Variants in PCDHGA1 observed in about 807,000 individuals in gnomAD.
PCDHGA1 encodes protocadherin gamma subfamily A, 1, also known as protocadherin gamma-A1.
In PCDHGA1, 32 loss-of-function variants were observed where a neutral mutation model predicts 58.0. That is an observed-to-expected ratio of 0.55 (90% CI 0.42 to 0.74). The LOEUF (loss-of-function observed/expected upper bound fraction) is 0.74. PCDHGA1 is among the 30% of genes least tolerant of loss of function. The probability of loss-of-function intolerance (pLI) is 0.00; values close to 1 mark genes in which losing one functional copy is unlikely to be tolerated. For missense variants in PCDHGA1, 1,205 were observed against 1,182.3 expected, an observed-to-expected ratio of 1.02 and a Z score of -0.28; for synonymous variants, 498 against 501.1, an observed-to-expected ratio of 0.99 and a Z score of 0.08.
At chr5:141,343,442 A>G in intron 1 of PCDHGA1, 1 of 909,734 alleles carries the variant, frequency 1.1e-6, no homozygotes, top group Non-Finnish European at 1.3e-6. Context: ...AAGAATAAAC[A>G]CATTATCAAG....
intron 1 of PCDHGA1, chr5:141,356,496 G>A (rs1760240782): frequency 6.2e-7 from 1 of 1,613,960 alleles, no homozygotes; most frequent in Non-Finnish European, 8.5e-7. Context: ...CTCCTCCACT[G>A]TCTACAGAAA....
At chr5:141,412,145 C>T (rs1335929166) in intron 1 of PCDHGA1, 1 of 152,210 alleles carries the variant, frequency 6.6e-6, no homozygotes, top group East Asian at 1.9e-4. Context: ...CTGATACAAA[C>T]TGCCTAAGAG....
At position 141,380,476 on chromosome 5, in the gene PCDHGA1, TC is replaced by T. The variant is rs534346627; in HGVS notation, c.2421+47374del. Among the ~76,000 whole-genome samples the T allele has an allele frequency of 1.1e-4, 16 of 152,316 alleles. No homozygotes were observed. The South Asian group carries it at 3.1e-3, about 30-fold the overall frequency. ...CAACCAAACAAATGGTCAGGATTCT[TC>T]CCAATATCTCAGTCAACAATAATAT... is the stretch of plus-strand genomic sequence containing the variant. On this transcript the variant is annotated intron_variant, in intron 1 of 3. Transcript: ENST00000517417.
In PCDHGA1 at chr5:141,432,122, G is replaced by C; in HGVS notation, c.2422-62685G>C. On this transcript the variant is annotated intron_variant, in intron 1 of 3. Transcript: ENST00000517417. This position sits in a 1 kb window ranked among gnomAD's most constrained non-coding sequence, Gnocchi z 6.0. ...CGACAACCCGCCGGTCTTCCCTCAG[G>C]CCTCCTATTCCGCTTATATCCCAGA... 6.2e-7 allele frequency: 1 copy of C among 1,614,052 alleles called. No homozygotes were observed. Among genetic ancestry groups the C allele is most frequent in the Non-Finnish European group, 8.5e-7 (1 of 1,180,022 alleles).
At chr5:141,478,011 G>T (rs1216659966) in intron 1 of PCDHGA1, 1 of 1,614,088 alleles carries the variant, frequency 6.2e-7, no homozygotes, top group Non-Finnish European at 8.5e-7. Flanking sequence ...AGTACTGCCC[G>T]TCCAGTCCAA....
At position 141,490,440 on chromosome 5, in the gene PCDHGA1, T is replaced by C. The variant is rs560525159; in HGVS notation, c.2422-4367T>C. On this transcript the variant is annotated intron_variant, in intron 1 of 3. Transcript: ENST00000517417. This position sits in a 1 kb window ranked among gnomAD's most constrained non-coding sequence, Gnocchi z 5.4. ...ACCTGCCATTTCAGATTAAGCCTTC[T>C]GAGAACCACTACTCGCTGCTAACCA... 7 of 1,614,206 alleles carry C rather than the reference T, an allele frequency of 4.3e-6. No homozygotes were observed. Among genetic ancestry groups the C allele is most frequent in the Non-Finnish European group, 5.9e-6 (7 of 1,180,040 alleles).
Position 141,419,681 on chromosome 5 carries a change from G to A in PCDHGA1, c.2422-75126G>A, listed in dbSNP as rs377117997. ...GCACAATGCCTGGCTGTCCTACCACGTGGTGCAGGCCAGTGAGCCCGGGCT... is the reference window on the plus strand; with the variant it reads ...GCACAATGCCTGGCTGTCCTACCACATGGTGCAGGCCAGTGAGCCCGGGCT... On this transcript the variant is annotated intron_variant, in intron 1 of 3. Coordinates refer to ENST00000517417, the MANE Select transcript of PCDHGA1 (RefSeq NM_018912.3). 76 of 1,612,904 alleles carry A rather than the reference G, an allele frequency of 4.7e-5. No homozygotes were observed. The highest frequency in any genetic ancestry group is 5.7e-5 in the Non-Finnish European group (67 of 1,179,706).
chr5:141,388,434 G>A (rs767784412), intron 1 of PCDHGA1: 3 of 1,613,878 alleles, frequency 1.9e-6, no homozygotes, highest in Non-Finnish European at 2.5e-6. Flanking sequence ...GATAAATAAA[G>A]AGAAATCAGA....
At chr5:141,383,657 A>G in intron 1 of PCDHGA1, 2 of 1,614,058 alleles carry the variant, frequency 1.2e-6, no homozygotes, top group Non-Finnish European at 1.7e-6. Context: ...ACTGTCCCCG[A>G]GAATGTGCCA....
rs771272230 is a variant in PCDHGA1 at position 141,332,658 on chromosome 5, C to T, written c.1974C>T (p.Val658=). Residue 658 remains valine, a synonymous_variant, in exon 1 of 4, where the codon GTC becomes GTT. Transcript: ENST00000517417. This position sits in a 1 kb window ranked among gnomAD's most constrained non-coding sequence, Gnocchi z 4.6. Reference sequence around the variant, plus strand: ...GCCAGCCCCCGCTCTCCGCCACTGTCACGCTCACCGTGGCCGTGGCCGACA... The same window carrying T: ...GCCAGCCCCCGCTCTCCGCCACTGTTACGCTCACCGTGGCCGTGGCCGACA... ...DHGQPPLSAT[V]TLTVAVADRI... is the part of the protein sequence containing the mutation. 2.1e-5 allele frequency: 34 copies of T among 1,613,264 alleles called. No individual in the cohort carries two copies. Among genetic ancestry groups the T allele is most frequent in the Non-Finnish European group, 2.9e-5 (34 of 1,179,822 alleles).
In PCDHGA1 at chr5:141,438,615, TATATATATATATATATATATACACAC is replaced by T. The variant is rs1337184558; in HGVS notation, c.2422-56190_2422-56165del. ...ACATATATATATATATATATATATATATATATATATATATATATATACACACACACACACACATATATGTATATATA... is the reference window on the plus strand; with the variant it reads ...ACATATATATATATATATATATATATACACACACACATATATGTATATATA... On this transcript the variant is annotated intron_variant, in intron 1 of 3. Coordinates refer to ENST00000517417, the MANE Select transcript of PCDHGA1 (RefSeq NM_018912.3). 3.6e-3 allele frequency among the ~76,000 whole-genome samples: 130 copies of T among 35,912 alleles called. 2 individuals are homozygous for T. Among genetic ancestry groups the T allele is most frequent in the African/African-American group, 0.022 (107 of 4,918 alleles). The allele number at this position is 35,912 out of a possible 152,430, so 23.6% of individuals were successfully genotyped here.
chr5:141,487,530 T>C lies in PCDHGA1; in HGVS notation c.2422-7277T>C. The stretch of plus-strand genomic sequence containing the variant: ...GCACCCACTCGGAGTGATAGCTTCA[T>C]GATGGTGAAGTCACCCAGTGCACCT... On this transcript the variant is annotated intron_variant, in intron 1 of 3. Coordinates refer to ENST00000517417, the MANE Select transcript of PCDHGA1 (RefSeq NM_018912.3). This position sits in a 1 kb window ranked among gnomAD's most constrained non-coding sequence, Gnocchi z 5.0. The C allele has an allele frequency of 6.2e-7, 1 of 1,614,218 alleles. No individual in the cohort carries two copies. The highest frequency in any genetic ancestry group is 8.5e-7 in the Non-Finnish European group (1 of 1,180,040).
intron 1 of PCDHGA1, chr5:141,352,164 G>A (rs775400971): frequency 1.9e-6 from 3 of 1,613,176 alleles, no homozygotes; most frequent in South Asian, 1.1e-5. Flanking sequence ...GACGCGGCCC[G>A]CCAGCGCCTG....
chr5:141,489,896 C>T lies in PCDHGA1; in HGVS notation c.2422-4911C>T, dbSNP rs765318875. 3 of 1,614,180 alleles carry T rather than the reference C, an allele frequency of 1.9e-6. No homozygotes were observed. The highest frequency in any genetic ancestry group is 1.3e-5 in the African/African-American group (1 of 75,066). On this transcript the variant is annotated intron_variant, in intron 1 of 3. Coordinates refer to ENST00000517417, the MANE Select transcript of PCDHGA1 (RefSeq NM_018912.3). The surrounding 1 kb of genome is among the most constrained non-coding windows in gnomAD (Gnocchi z 4.5). ...GTGCTTACTGCTGTGGATGGGGGGA[C>T]CCCAGCCCGCTCAGGGACCACCCTT...
At chr5:141,414,439 T>A in intron 1 of PCDHGA1, 1 of 1,613,874 alleles carries the variant, frequency 6.2e-7, no homozygotes, top group East Asian at 2.2e-5. Context: ...GGTATCCTCT[T>A]ACAATATCAC....
rs1036344847 is a variant in PCDHGA1 at position 141,424,050 on chromosome 5, C to G, written c.2422-70757C>G. 9.9e-6 allele frequency: 10 copies of G among 1,014,084 alleles called. No homozygotes were observed. The African/African-American group carries it at 1.6e-4, about 16-fold the overall frequency. The allele number at this position is 1,014,084 out of a possible 1,614,324, so 62.8% of individuals were successfully genotyped here. A position where few individuals can be genotyped will look rare whatever the true frequency, so the allele number is the denominator to read the frequency against. ...ACTTTTTATTTCCATTTCAATTTTG[C>G]TGTGCCTTCACTGATTTGTAGTTAT... On this transcript the variant is annotated intron_variant, in intron 1 of 3. Coordinates refer to ENST00000517417, the MANE Select transcript of PCDHGA1 (RefSeq NM_018912.3).
rs538762155 is a variant in PCDHGA1 at position 141,345,469 on chromosome 5, C to A, written c.2421+12364C>A. The A allele has an allele frequency of 2.5e-6, 4 of 1,614,122 alleles. No individual in the cohort carries two copies. The East Asian group carries it at 6.7e-5, about 27-fold the overall frequency. Reference sequence around the variant, plus strand: ...ATCTTCTCAGTGACAGCCCAGGACCCAGATAGCAACAACAACGCCCGCATC... The same window carrying A: ...ATCTTCTCAGTGACAGCCCAGGACCAAGATAGCAACAACAACGCCCGCATC... On this transcript the variant is annotated intron_variant, in intron 1 of 3. Coordinates refer to ENST00000517417, the MANE Select transcript of PCDHGA1 (RefSeq NM_018912.3).
At chr5:141,404,241 C>T (rs960579159) in intron 1 of PCDHGA1, 9 of 1,613,576 alleles carry the variant, frequency 5.6e-6, no homozygotes, top group African/African-American at 4.0e-5. Context: ...AGAGGAACTC[C>T]GCCCCTGTCC....
chr5:141,490,098 T>C lies in PCDHGA1; in HGVS notation c.2422-4709T>C, dbSNP rs774132407. On this transcript the variant is annotated intron_variant, in intron 1 of 3. Transcript: ENST00000517417. The surrounding 1 kb of genome is among the most constrained non-coding windows in gnomAD (Gnocchi z 5.4). ...ACTATTCTTTTGGAGACCACACATCTGAGGCAGTGCGGAACCTCTTTGGCC... is the reference window on the plus strand; with the variant it reads ...ACTATTCTTTTGGAGACCACACATCCGAGGCAGTGCGGAACCTCTTTGGCC... The C allele has an allele frequency of 6.2e-7, 1 of 1,614,260 alleles. No homozygotes were observed. The highest frequency in any genetic ancestry group is 8.5e-7 in the Non-Finnish European group (1 of 1,180,038).
Sources: gnomAD v4.1 joint callset for allele counts (sites outside exome capture counted in the v4.1 genomes callset) on GRCh38, gnomAD v4.1.1 for gene constraint, Gnocchi (gnomAD v3.1) non-coding constraint, MANE v1.5 for transcripts, NCBI Gene and HGNC (gene_info 2026-07-23, HGNC 2026-07-21) for gene names.